ENDOG: variants seen among roughly 807,000 people sequenced by gnomAD.
The protein encoded by ENDOG is endonuclease G, also known as endonuclease G, mitochondrial.
In ENDOG, 22 loss-of-function variants were observed where a neutral mutation model predicts 22.6. That is an observed-to-expected ratio of 0.97 (90% CI 0.70 to 1.39). The LOEUF (loss-of-function observed/expected upper bound fraction) is 1.39, where lower values mean the gene tolerates loss of function less well. ENDOG is among the 40% of genes most tolerant of loss of function. The pLI, the probability that ENDOG is intolerant of heterozygous loss-of-function variation, is 0.00. For synonymous variants in ENDOG, 173 were observed against 200.2 expected, an observed-to-expected ratio of 0.86 and a Z score of 1.15; for missense variants, 403 against 431.3, an observed-to-expected ratio of 0.93 and a Z score of 0.58.
chr9:128,820,941 C>A, intron 2 of ENDOG, 93 bp downstream of exon 2: 2 of 1,143,804 alleles, frequency 1.7e-6, no homozygotes, highest in South Asian at 2.7e-5. Flanking sequence ...GGCTCTGGGT[C>A]AATACCAGTT....
rs1045995671 is a variant in ENDOG, at chr9:128,822,648, G to A, written c.*38G>A. On this transcript the variant is annotated 3_prime_UTR_variant, in exon 3 of 3. Coordinates refer to ENST00000372642, the MANE Select transcript of ENDOG (RefSeq NM_004435.2). ...GTGAGACTGTGGGTGTGTGCAGGCC[G>A]GGGAGTATTAAAGGTGGTGATTTTT... The A allele has an allele frequency of 2.5e-5, 39 of 1,556,586 alleles. No homozygotes were observed. The highest frequency in any genetic ancestry group is 3.3e-4 in the Middle Eastern group (2 of 6,016).
chr9:128,819,411 C>T (rs887100403), intron 1 of ENDOG, among the ~76,000 whole-genome samples: 1 of 152,242 alleles, frequency 6.6e-6, no homozygotes, highest in African/African-American at 2.4e-5. Flanking sequence ...CCTCCCTGAG[C>T]GTCGCTTTCC....
intron 2 of ENDOG, 138 bp downstream of exon 2, chr9:128,820,986 C>A: frequency 1.3e-6 from 1 of 745,740 alleles, no homozygotes. Flanking sequence ...AGCCTGTCAG[C>A]TTCCCTGCCT....
rs1830088032 is a variant in ENDOG at position 128,820,504 on chromosome 9, GGAGCTGAGAAAA to G, written c.502-232_502-221del. 7 of 533,316 alleles carry G rather than the reference GGAGCTGAGAAAA, an allele frequency of 1.3e-5. No homozygotes were observed. The Admixed American group carries it at 2.2e-4, about 17-fold the overall frequency. 33.0% of individuals were successfully genotyped at this position (533,316 alleles called of 1,614,324 possible). On this transcript the variant is annotated intron_variant, in intron 1 of 2. Transcript: ENST00000372642. ...AGGCTCTTCCTTCATTCGACTCTTG[GGAGCTGAGAAAA>G]GACTTTGACACCTGGGCTGTGGGAG...
rs143431385 is a variant in ENDOG at position 128,821,934 on chromosome 9, C to T, written c.612-394C>T. ...ACTCTGCTGAGGGGGAGCCCCCGTC[C>T]GGTGTCCTGGCACCTGTGCTGGTGC... On this transcript the variant is annotated intron_variant, in intron 2 of 2. Coordinates refer to ENST00000372642, the MANE Select transcript of ENDOG (RefSeq NM_004435.2). 408 of 218,598 alleles carry T rather than the reference C, an allele frequency of 1.9e-3. 3 individuals carry two copies. The highest frequency in any genetic ancestry group is 9.1e-3 in the African/African-American group (396 of 43,448). The allele number at this position is 218,598 out of a possible 1,614,324, so 13.5% of individuals were successfully genotyped here.
In ENDOG at chr9:128,818,982, C is replaced by T. The variant is rs1830051702; in HGVS notation, c.298C>T (p.Arg100Ter). 5 of 1,488,924 alleles carry T rather than the reference C, an allele frequency of 3.4e-6. No individual in the cohort carries two copies. Among genetic ancestry groups the T allele is most frequent in the Non-Finnish European group, 4.4e-6 (5 of 1,127,402 alleles). The allele number at this position is 1,488,924 out of a possible 1,614,324, so 92.2% of individuals were successfully genotyped here. ...RGALWVVEQL[R>*]PERLRGDGDR... ...CGCGCTCTGGGTGGTGGAGCAGCTG[C>T]GACCCGAGCGTCTCCGCGGCGACGG... The change falls in exon 1 of 3, where the codon CGA becomes TGA. Residue 100 changes from arginine to a stop codon, truncating the protein, a stop_gained. Transcript: ENST00000372642. LOFTEE classifies it high-confidence loss of function.
At chr9:128,820,914 G>C (rs1041211773) in intron 2 of ENDOG, 66 bp downstream of exon 2, 8 of 1,430,890 alleles carry the variant, frequency 5.6e-6, no homozygotes, top group Admixed American at 2.0e-5. Context: ...GCCACTCACA[G>C]GGCCAGGCTT....
rs1830042965 is a variant in ENDOG, at chr9:128,818,669, A to G, written c.-16A>G. 9.4e-6 allele frequency: 11 copies of G among 1,164,204 alleles called. No homozygotes were observed. In the South Asian group the frequency reaches 4.6e-4, roughly 49 times the overall value. The allele number at this position is 1,164,204 out of a possible 1,614,324, so 72.1% of individuals were successfully genotyped here. A position where few individuals can be genotyped will look rare whatever the true frequency, so the allele number is the denominator to read the frequency against. On this transcript the variant is annotated 5_prime_UTR_variant, in exon 1 of 3. Transcript: ENST00000372642. The stretch of plus-strand genomic sequence containing the variant: ...AGAGCCTCGCGGGTCGCCCGCCGCT[A>G]GGTCGCTCCCCGGCCATGCGGGCGC...
chr9:128,821,080 C>T (rs1228773656), intron 2 of ENDOG: 5 of 558,290 alleles, frequency 9.0e-6, no homozygotes, highest in Middle Eastern at 4.8e-4. Flanking sequence ...CAGCAGCAGG[C>T]CCTGAATCTG....
rs1564433939 is a variant in ENDOG at position 128,822,360 on chromosome 9, A to G, written c.644A>G (p.Tyr215Cys). 2 of 1,613,946 alleles carry G rather than the reference A, an allele frequency of 1.2e-6. No individual in the cohort carries two copies. The highest frequency in any genetic ancestry group is 8.5e-7 in the Non-Finnish European group (1 of 1,180,012). ...GCTGATGGGAAATCCTACGTAAAGT[A>G]CCAGGTCATCGGCAAGAACCACGTG... ...TEADGKSYVK[Y>C]QVIGKNHVAV... Residue 215 changes from tyrosine to cysteine, a missense_variant, in exon 3 of 3, where the codon TAC becomes TGC. Coordinates refer to ENST00000372642, the MANE Select transcript of ENDOG (RefSeq NM_004435.2).
At chr9:128,822,294 C>G (rs770275764) in intron 2 of ENDOG, 34 bp from the exon 3 acceptor site, 3 of 1,599,756 alleles carry the variant, frequency 1.9e-6, no homozygotes, top group Admixed American at 3.4e-5. Context: ...TTCATCCAGG[C>G]CCCCTGCCCA....
In ENDOG at chr9:128,818,548, C is replaced by T. The variant is rs904460609; in HGVS notation, c.-137C>T. The T allele has an allele frequency of 3.8e-5, 37 of 977,644 alleles. No individual in the cohort carries two copies. The African/African-American group carries it at 5.6e-4, about 15-fold the overall frequency. 60.6% of individuals were successfully genotyped at this position (977,644 alleles called of 1,614,324 possible). On this transcript the variant is annotated 5_prime_UTR_variant, in exon 1 of 3. Coordinates refer to ENST00000372642, the MANE Select transcript of ENDOG (RefSeq NM_004435.2). Reference sequence around the variant, plus strand: ...CCCTTCTGGGTTCCGAGGCCCAAGCCCTTGGCAGTGTTTGTGAGTGGAAGG... The same window carrying T: ...CCCTTCTGGGTTCCGAGGCCCAAGCTCTTGGCAGTGTTTGTGAGTGGAAGG...
intron 2 of ENDOG, 33 bp from the exon 3 acceptor site, chr9:128,822,295 C>T (rs1186303095): frequency 1.2e-6 from 2 of 1,601,212 alleles, no homozygotes; most frequent in African/African-American, 2.7e-5. Context: ...TCATCCAGGC[C>T]CCCTGCCCAC....
Position 128,820,726 on chromosome 9 carries a change from T to C in ENDOG, c.502-13T>C, listed in dbSNP as rs888204657. 4 of 1,601,014 alleles carry C rather than the reference T, an allele frequency of 2.5e-6. No homozygotes were observed. In the African/African-American group the frequency reaches 4.0e-5, roughly 16 times the overall value. On this transcript the variant is annotated splice_polypyrimidine_tract_variant and intron_variant, in intron 1 of 2. Coordinates refer to ENST00000372642, the MANE Select transcript of ENDOG (RefSeq NM_004435.2). ...CCAGCCACAGTCCTGCTAAGCCCTA[T>C]CTCTCCTACCAGGTGCCCCACCTCA...
At chr9:128,821,936 G>A in intron 2 of ENDOG, 1 of 219,684 alleles carries the variant, frequency 4.6e-6, no homozygotes, top group South Asian at 7.1e-5. Context: ...CCCCCGTCCG[G>A]TGTCCTGGCA....
At position 128,822,612 on chromosome 9, in the gene ENDOG, G is replaced by C; in HGVS notation, c.*2G>C. ...GCCATCACGGCGGGCAGTAAGTGAG[G>C]GTGGAGCCCAGTGAGACTGTGGGTG... On this transcript the variant is annotated 3_prime_UTR_variant, in exon 3 of 3. Coordinates refer to ENST00000372642, the MANE Select transcript of ENDOG (RefSeq NM_004435.2). The C allele has an allele frequency of 6.4e-7, 1 of 1,567,054 alleles. No individual in the cohort carries two copies. The highest frequency in any genetic ancestry group is 8.7e-7 in the Non-Finnish European group (1 of 1,155,638).
chr9:128,819,527 G>A (rs1191980571), intron 1 of ENDOG: 1 of 285,648 alleles, frequency 3.5e-6, no homozygotes, highest in Non-Finnish European at 6.5e-6. Context: ...TCACACAGCA[G>A]AAGAAGGCTG....
rs866131785 is a variant in ENDOG, at chr9:128,819,068, C to A, written c.384C>A (p.Thr128=). The A allele has an allele frequency of 6.6e-7, 1 of 1,519,316 alleles. No homozygotes were observed. The highest frequency in any genetic ancestry group is 1.8e-4 in the Middle Eastern group (1 of 5,534). The allele number at this position is 1,519,316 out of a possible 1,614,324, so 94.1% of individuals were successfully genotyped here. ...CGGTGCACGCGTACCACCGTGCCAC[C>A]AACGCCGACTACCGCGGCAGTGGCT... The part of the protein sequence containing the change: ...DDSVHAYHRA[T]NADYRGSGFD... The change falls in exon 1 of 3, where the codon ACC becomes ACA. Residue 128 remains threonine (T), a synonymous_variant. Coordinates refer to ENST00000372642, the MANE Select transcript of ENDOG (RefSeq NM_004435.2).
chr9:128,822,522 G>T lies in ENDOG; in HGVS notation c.806G>T (p.Ser269Ile). 6.4e-7 allele frequency: 1 copy of T among 1,559,966 alleles called. No individual in the cohort carries two copies. Among genetic ancestry groups the T allele is most frequent in the Non-Finnish European group, 8.7e-7 (1 of 1,151,580 alleles). Residue 269 changes from serine (S) to isoleucine (I), a missense_variant, in exon 3 of 3, where the codon AGC (serine) becomes ATC (isoleucine). Ser to Ile is a moderately radical substitution (Grantham distance 142). Transcript: ENST00000372642. ...PLERFLVPIE[S>I]IERASGLLFV... is the part of the protein sequence containing the mutation. ...GAGCGCTTCCTGGTGCCCATCGAGA[G>T]CATTGAGCGGGCTTCGGGGCTGCTC...
Sources: gnomAD v4.1 joint callset for allele counts (sites outside exome capture counted in the v4.1 genomes callset) on GRCh38, gnomAD v4.1.1 for gene constraint, MANE v1.5 for transcripts, NCBI Gene and HGNC (gene_info 2026-07-23, HGNC 2026-07-21) for gene names.